GAB1: variants seen among roughly 807,000 people sequenced by gnomAD.
The protein encoded by GAB1 is GRB2-associated-binding protein 1.
In GAB1, 19 loss-of-function variants were observed where a neutral mutation model predicts 66.5. The ratio of observed to expected loss-of-function variants is 0.29; its 90% confidence interval spans 0.20 to 0.42. The LOEUF is 0.42. Ranked by LOEUF, GAB1 falls within the 10% of genes least tolerant of loss-of-function variation. GAB1 has a pLI of 1.00. For synonymous variants in GAB1, 294 were observed against 301.4 expected, an observed-to-expected ratio of 0.98 and a Z score of 0.25; for missense variants, 732 against 858.5, an observed-to-expected ratio of 0.85 and a Z score of 1.84.
intron 1 of GAB1, among the ~76,000 whole-genome samples, chr4:143,355,432 A>AAACAACAAC (rs34564162): frequency 2.0e-5 from 3 of 149,330 alleles, no homozygotes; most frequent in African/African-American, 5.1e-5. Flanking sequence ...GTTTAAAACA[A>AAACAACAAC]AACAACAACA....
chr4:143,369,245 T>G (rs1243207843), intron 1 of GAB1, among the ~76,000 whole-genome samples: 1 of 152,006 alleles, frequency 6.6e-6, no homozygotes, highest in East Asian at 1.9e-4. Flanking sequence ...CCGGCCATTT[T>G]TTTGTATTTT....
At chr4:143,388,915 G>A (rs1217780970) in intron 1 of GAB1, among the ~76,000 whole-genome samples, 2 of 152,198 alleles carry the variant, frequency 1.3e-5, no homozygotes, top group African/African-American at 2.4e-5. Flanking sequence ...ATCAGGCAGA[G>A]CTTTTGCAAG....
chr4:143,406,782 A>C (rs1197459364), intron 1 of GAB1, among the ~76,000 whole-genome samples: 5 of 152,230 alleles, frequency 3.3e-5, no homozygotes, highest in African/African-American at 1.2e-4. Flanking sequence ...GCTCCCAGCC[A>C]GTTTCTCACT....
chr4:143,346,492 A>T (rs1022464397), intron 1 of GAB1, among the ~76,000 whole-genome samples: 8 of 152,166 alleles, frequency 5.3e-5, no homozygotes, highest in Non-Finnish European at 1.2e-4. Flanking sequence ...GTGCTGGTGG[A>T]GGGATGACTC....
At position 143,438,377 on chromosome 4, in the gene GAB1, A is replaced by G; in HGVS notation, c.972A>G (p.Pro324=). The G allele has an allele frequency of 6.2e-7, 1 of 1,614,152 alleles. No individual in the cohort carries two copies. Among genetic ancestry groups the G allele is most frequent in the Non-Finnish European group, 8.5e-7 (1 of 1,180,006 alleles). The part of the protein sequence containing the change: ...GNTYQIPRTF[P]EGTLGQTSKL... ...CTTATCAGATTCCACGAACATTTCC[A>G]GAAGGAACCTTGGGACAGACATCAA... Residue 324 remains proline, a synonymous_variant, in exon 4 of 10, where the codon CCA becomes CCG. Coordinates refer to ENST00000262994, the MANE Select transcript of GAB1 (RefSeq NM_002039.4).
Position 143,337,239 on chromosome 4 carries a change from G to C in GAB1, c.51G>C (p.Pro17=), listed in dbSNP as rs147010310. 1,074 of 1,583,246 alleles carry C rather than the reference G, an allele frequency of 6.8e-4. 7 individuals are homozygous for C. The African/African-American group carries it at 0.012, about 18-fold the overall frequency. The stretch of plus-strand genomic sequence containing the variant: ...CCGGATGGCTCCGCAAGTCCCCCCC[G>C]GAGAAAAAGTTGAAGCGTTATGTAA... The part of the protein sequence containing the change: ...VCSGWLRKSP[P]EKKLKRYAWK... Residue 17 remains proline, a synonymous_variant, in exon 1 of 10, where the codon CCG becomes CCC. Coordinates refer to ENST00000262994, the MANE Select transcript of GAB1 (RefSeq NM_002039.4).
chr4:143,367,812 C>T (rs1044760259), intron 1 of GAB1, among the ~76,000 whole-genome samples: 7 of 145,910 alleles, frequency 4.8e-5, no homozygotes, highest in African/African-American at 1.8e-4. Context: ...GTAACCTCTG[C>T]CTCCCGGGTT....
At chr4:143,369,158 C>G (rs994344338) in intron 1 of GAB1, among the ~76,000 whole-genome samples, 1 of 152,130 alleles carries the variant, frequency 6.6e-6, no homozygotes, top group African/African-American at 2.4e-5. Flanking sequence ...CCAGGCTGGT[C>G]TCAAACTCCT....
chr4:143,377,984 C>A (rs1730486370), intron 1 of GAB1, among the ~76,000 whole-genome samples: 1 of 152,126 alleles, frequency 6.6e-6, no homozygotes. Context: ...TAGTATAGTA[C>A]ACGTGGTGGC....
chr4:143,416,175 G>C (rs1732672694), intron 2 of GAB1, among the ~76,000 whole-genome samples: 1 of 152,200 alleles, frequency 6.6e-6, no homozygotes. Context: ...GGAGGCCGAG[G>C]CGGGTGGATC....
At chr4:143,462,591 A>G (rs1223905481) in intron 8 of GAB1, among the ~76,000 whole-genome samples, 1 of 152,106 alleles carries the variant, frequency 6.6e-6, no homozygotes, top group African/African-American at 2.4e-5. Flanking sequence ...ACACCTAATG[A>G]CAGTAAGCCA....
intron 9 of GAB1, 36 bp from the exon 10 acceptor site, chr4:143,468,995 A>G (rs752286175): frequency 1.2e-6 from 2 of 1,608,786 alleles, no homozygotes; most frequent in African/African-American, 2.7e-5. Context: ...ACACTCCTTT[A>G]TATGTTGGAC....
intron 6 of GAB1, among the ~76,000 whole-genome samples, chr4:143,444,828 T>C (rs1290618653): frequency 6.6e-6 from 1 of 152,180 alleles, no homozygotes; most frequent in Non-Finnish European, 1.5e-5. Flanking sequence ...CATGTTTAGC[T>C]CTCACTTGTA....
chr4:143,417,334 GA>G, intron 2 of GAB1: 1 of 341,760 alleles, frequency 2.9e-6, no homozygotes, highest in Non-Finnish European at 5.7e-6. Context: ...GCCTATCCTG[GA>G]AAGAGCTGAG....
At chr4:143,414,732 C>T (rs1420144302) in intron 1 of GAB1, among the ~76,000 whole-genome samples, 1 of 152,136 alleles carries the variant, frequency 6.6e-6, no homozygotes, top group East Asian at 1.9e-4. Flanking sequence ...GAAGAAGCAG[C>T]TTTATGTGTA....
At position 143,350,239 on chromosome 4, in the gene GAB1, C is replaced by T. The variant is rs1287742251; in HGVS notation, c.72+12979C>T. On this transcript the variant is annotated intron_variant, in intron 1 of 9. Coordinates refer to ENST00000262994, the MANE Select transcript of GAB1 (RefSeq NM_002039.4). ...CTTCTGTCTGATGGATACGTTGGCC[C>T]TGTTAAATGAACAGAAATACTTTTA... 5.0e-6 allele frequency: 3 copies of T among 597,512 alleles called. No homozygotes were observed. The East Asian group carries it at 8.3e-5, about 17-fold the overall frequency. 37.0% of individuals were successfully genotyped at this position (597,512 alleles called of 1,614,324 possible).
intron 2 of GAB1, chr4:143,424,967 A>G (rs954781779): frequency 4.8e-6 from 3 of 619,438 alleles, no homozygotes; most frequent in Non-Finnish European, 2.9e-6. Context: ...AAAAAGAAAA[A>G]AAAAGGCCTT....
At chr4:143,452,387 T>C (rs868503083) in intron 6 of GAB1, among the ~76,000 whole-genome samples, 6 of 152,224 alleles carry the variant, frequency 3.9e-5, no homozygotes, top group Non-Finnish European at 7.3e-5. Flanking sequence ...ATGAATCATA[T>C]GCTGCACGCT....
At chr4:143,458,419 C>T (rs1286219885) in intron 6 of GAB1, among the ~76,000 whole-genome samples, 1 of 152,052 alleles carries the variant, frequency 6.6e-6, no homozygotes, top group Non-Finnish European at 1.5e-5. Context: ...TATGCCATAA[C>T]ATACATGGAC....
Sources: allele counts gnomAD v4.1 joint callset (sites outside exome capture counted in the v4.1 genomes callset), GRCh38; gene constraint gnomAD v4.1.1; transcripts MANE v1.5; gene names NCBI Gene and HGNC (gene_info 2026-07-23, HGNC 2026-07-21).